The following ELP4 variants were observed in gnomAD, a reference collection of about 807,000 sequenced individuals.
ELP4 encodes the protein elongator acetyltransferase complex subunit 4, also known as elongator complex protein 4.
A neutral mutation model predicts 48.9 loss-of-function variants in ELP4; 51 were observed. That is an observed-to-expected ratio of 1.04 (90% CI 0.83 to 1.32). The LOEUF is 1.32. Ranked by LOEUF, ELP4 falls within the 40% of genes most tolerant of loss-of-function variation. The probability of loss-of-function intolerance (pLI) is 0.00; values close to 1 mark genes in which losing one functional copy is unlikely to be tolerated. For missense variants in ELP4, 519 were observed against 514.6 expected (o/e 1.01, Z -0.08); for synonymous variants, 210 against 189.2 (o/e 1.11, Z -0.90).
At chr11:31,548,305 A>G (rs937422335) in intron 3 of ELP4, among the ~76,000 whole-genome samples, 11 of 152,166 alleles carry the variant, frequency 7.2e-5, no homozygotes, top group Non-Finnish European at 1.3e-4. Flanking sequence ...TACAAAATCA[A>G]TGTACAAAAA....
intron 7 of ELP4, among the ~76,000 whole-genome samples, chr11:31,644,004 T>C (rs1388345881): frequency 6.6e-6 from 1 of 151,828 alleles, no homozygotes; most frequent in African/African-American, 2.4e-5. Flanking sequence ...TATTTGAGAT[T>C]GCCAGCAAAC....
chr11:31,607,081 A>G (rs1388721638), intron 5 of ELP4, among the ~76,000 whole-genome samples: 1 of 152,176 alleles, frequency 6.6e-6, no homozygotes, highest in Non-Finnish European at 1.5e-5. Context: ...GCATGCAAGA[A>G]TGAAAGGCCA....
intron 9 of ELP4, among the ~76,000 whole-genome samples, chr11:31,777,997 T>C (rs1234606292): frequency 6.6e-6 from 1 of 152,200 alleles, no homozygotes; most frequent in East Asian, 1.9e-4. Flanking sequence ...GCTGAAAACC[T>C]GCAGTGGAAT....
intron 9 of ELP4, among the ~76,000 whole-genome samples, chr11:31,708,319 C>T (rs1015759890): frequency 6.6e-6 from 1 of 152,074 alleles, no homozygotes; most frequent in Non-Finnish European, 1.5e-5. Flanking sequence ...CATGTAAGCC[C>T]ATGAAATGTA....
chr11:31,743,078 A>G (rs1947494850), intron 9 of ELP4, among the ~76,000 whole-genome samples: 1 of 152,148 alleles, frequency 6.6e-6, no homozygotes, highest in Admixed American at 6.5e-5. Context: ...AATGGAAAAC[A>G]AAAAAAGGCA....
At chr11:31,707,507 A>C (rs1329280343) in intron 9 of ELP4, 1 of 152,196 alleles carries the variant, frequency 6.6e-6, no homozygotes, top group Non-Finnish European at 1.5e-5. Context: ...TACTATGTTA[A>C]TATAATTCCA....
intron 9 of ELP4, among the ~76,000 whole-genome samples, chr11:31,716,097 T>C (rs1454974253): frequency 6.6e-6 from 1 of 152,128 alleles, no homozygotes; most frequent in African/African-American, 2.4e-5. Flanking sequence ...CACTGCAGCC[T>C]CAAATTCCTG....
chr11:31,714,159 G>A (rs538079321), intron 9 of ELP4, among the ~76,000 whole-genome samples: 48 of 152,106 alleles, frequency 3.2e-4, no homozygotes, highest in Non-Finnish European at 6.3e-4. Context: ...AGGGATTTCA[G>A]AGCCAGGCAA....
At chr11:31,526,542 A>G (rs542826163) in intron 2 of ELP4, among the ~76,000 whole-genome samples, 5 of 152,148 alleles carry the variant, frequency 3.3e-5, no homozygotes, top group African/African-American at 1.2e-4. Flanking sequence ...CATCTAACGT[A>G]GTATACTACT....
At chr11:31,615,680 G>T (rs1445442326) in intron 5 of ELP4, among the ~76,000 whole-genome samples, 5 of 151,670 alleles carry the variant, frequency 3.3e-5, no homozygotes, top group African/African-American at 1.2e-4. Context: ...GCCCCTAAAT[G>T]AACAGTGGCT....
chr11:31,540,325 C>T (rs1379288236), intron 3 of ELP4, among the ~76,000 whole-genome samples: 1 of 152,132 alleles, frequency 6.6e-6, no homozygotes, highest in Non-Finnish European at 1.5e-5. Flanking sequence ...ATATGAGTTA[C>T]AGCAAATAAT....
intron 3 of ELP4, among the ~76,000 whole-genome samples, chr11:31,548,843 A>C (rs7482801): frequency 0.24 from 35,931 of 149,592 alleles, 1,857 homozygotes; most frequent in African/African-American, 0.31. Flanking sequence ...ATATCTACAA[A>C]TATCTGATCT....
chr11:31,539,440 C>T (rs1342872837), intron 2 of ELP4, among the ~76,000 whole-genome samples: 2 of 152,142 alleles, frequency 1.3e-5, no homozygotes, highest in South Asian at 2.1e-4. Flanking sequence ...GGCGACAGAA[C>T]GAGACTCCGT....
chr11:31,536,078 T>C (rs746987887), intron 2 of ELP4, among the ~76,000 whole-genome samples: 1 of 152,220 alleles, frequency 6.6e-6, no homozygotes, highest in Non-Finnish European at 1.5e-5. Flanking sequence ...AAGAAACTAC[T>C]GCAAATTAGT....
intron 9 of ELP4, chr11:31,714,826 C>A: frequency 2.5e-6 from 1 of 398,366 alleles, no homozygotes; most frequent in Non-Finnish European, 4.4e-6. Flanking sequence ...TTCTGCCTCT[C>A]TCCTTCACTT....
intron 6 of ELP4, among the ~76,000 whole-genome samples, chr11:31,630,356 TCTCA>T (rs916780451): frequency 1.3e-5 from 2 of 149,928 alleles, no homozygotes; most frequent in African/African-American, 2.5e-5. Flanking sequence ...TTTAATGGAG[TCTCA>T]CTCTGTCACC....
chr11:31,592,560 G>C (rs1322093100), intron 3 of ELP4, among the ~76,000 whole-genome samples: 1 of 149,086 alleles, frequency 6.7e-6, no homozygotes, highest in Admixed American at 6.8e-5. Context: ...ACCTATATAT[G>C]TATATATAAG....
intron 9 of ELP4, among the ~76,000 whole-genome samples, chr11:31,751,757 T>A (rs1053243381): frequency 1.3e-5 from 2 of 152,194 alleles, no homozygotes; most frequent in Non-Finnish European, 2.9e-5. Context: ...ACCCATCTCC[T>A]ACTCTAATGT....
At chr11:31,724,999 G>A (rs55689360) in intron 9 of ELP4, among the ~76,000 whole-genome samples, 13,440 of 152,180 alleles carry the variant, frequency 0.088, 836 homozygotes, top group Non-Finnish European at 0.13. Flanking sequence ...AAAGATTGTG[G>A]TTCTCCCTCC....
Sources: allele counts gnomAD v4.1 joint callset (sites outside exome capture counted in the v4.1 genomes callset), GRCh38; gene constraint gnomAD v4.1.1; transcripts MANE v1.5; gene names NCBI Gene and HGNC (gene_info 2026-07-23, HGNC 2026-07-21).